The following ZNF609 variants were observed in gnomAD, a reference collection of about 807,000 sequenced individuals.
ZNF609 encodes zinc finger protein 609.
Under a neutral mutation model 109.5 loss-of-function variants are expected in ZNF609, and 11 were observed. That is an observed-to-expected ratio of 0.10 (90% CI 0.06 to 0.17). The LOEUF (loss-of-function observed/expected upper bound fraction) is 0.17, where lower values mean the gene tolerates loss of function less well. ZNF609 is among the 10% of genes least tolerant of loss of function. The pLI is 1.00. For synonymous variants in ZNF609, 646 were observed against 662.0 expected (o/e 0.98, Z 0.37); for missense variants, 1,559 against 1,772.4 (o/e 0.88, Z 2.16).
rs1175008655 is a variant in ZNF609, at chr15:64,675,620, G to A, written c.2766G>A (p.Gln922=). 1.2e-6 allele frequency: 2 copies of A among 1,614,106 alleles called. No homozygotes were observed. The highest frequency in any genetic ancestry group is 1.1e-5 in the South Asian group (1 of 91,078). ...NPSSQAGVES[Q]ALKTKRDEEP... ...GCAGCCAGGCAGGAGTGGAGAGCCAGGCCCTGAAGACAAAAAGGGATGAGG... is the reference window on the plus strand; with the variant it reads ...GCAGCCAGGCAGGAGTGGAGAGCCAAGCCCTGAAGACAAAAAGGGATGAGG... The change falls in exon 5 of 10, where the codon CAG becomes CAA. Residue 922 remains glutamine (Q), a synonymous_variant. Coordinates refer to ENST00000326648, the MANE Select transcript of ZNF609 (RefSeq NM_015042.2).
intron 2 of ZNF609, among the ~76,000 whole-genome samples, chr15:64,586,971 A>G (rs1895209340): frequency 6.6e-6 from 1 of 152,134 alleles, no homozygotes; most frequent in Admixed American, 6.6e-5. Context: ...TCTTTAAGAT[A>G]ATAATTTCTT....
At chr15:64,553,368 A>G (rs1371485686) in intron 2 of ZNF609, among the ~76,000 whole-genome samples, 2 of 151,558 alleles carry the variant, frequency 1.3e-5, no homozygotes, top group Non-Finnish European at 2.9e-5. Flanking sequence ...TTGCCCTCCA[A>G]TCTATGAACA....
At chr15:64,493,665 G>T (rs777801252) in intron 1 of ZNF609, among the ~76,000 whole-genome samples, 4 of 152,158 alleles carry the variant, frequency 2.6e-5, no homozygotes, top group Admixed American at 6.5e-5. Flanking sequence ...GAAGGAAGTG[G>T]AGTACACTTA....
At chr15:64,566,286 T>C (rs1294552461) in intron 2 of ZNF609, among the ~76,000 whole-genome samples, 2 of 152,200 alleles carry the variant, frequency 1.3e-5, no homozygotes, top group African/African-American at 2.4e-5. Context: ...GCCATGATCA[T>C]GTGACTACAC....
chr15:64,477,136 CTTTTTTTT>C (rs911785223), intron 1 of ZNF609, among the ~76,000 whole-genome samples: 1 of 105,784 alleles, frequency 9.5e-6, no homozygotes, highest in Non-Finnish European at 1.9e-5. Flanking sequence ...TCTTCTCTTT[CTTTTTTTT>C]TTTTTTTTTT....
At chr15:64,669,886 T>C (rs141359913) in intron 3 of ZNF609, among the ~76,000 whole-genome samples, 273 of 152,284 alleles carry the variant, frequency 1.8e-3, no homozygotes, top group Non-Finnish European at 3.6e-3. Context: ...CAGGCTGATC[T>C]TGAGCTCCTG....
At chr15:64,564,149 A>G (rs912336312) in intron 2 of ZNF609, among the ~76,000 whole-genome samples, 2 of 151,510 alleles carry the variant, frequency 1.3e-5, no homozygotes, top group African/African-American at 4.9e-5. Flanking sequence ...TATCTAGTAT[A>G]TGCATGTTGT....
chr15:64,612,598 A>G (rs1045943369), intron 2 of ZNF609, among the ~76,000 whole-genome samples: 6 of 150,048 alleles, frequency 4.0e-5, no homozygotes, highest in African/African-American at 1.2e-4. Context: ...GCCTAAGTGA[A>G]ATCTGGAAGC....
chr15:64,642,212 C>G (rs978215554), intron 3 of ZNF609, among the ~76,000 whole-genome samples: 1 of 152,112 alleles, frequency 6.6e-6, no homozygotes, highest in Non-Finnish European at 1.5e-5. Context: ...GAAACAGAGT[C>G]TCGTTCTGTC....
intron 3 of ZNF609, among the ~76,000 whole-genome samples, chr15:64,665,719 C>T (rs1247259427): frequency 6.6e-6 from 1 of 152,034 alleles, no homozygotes; most frequent in African/African-American, 2.4e-5. Context: ...AGACCAGCCT[C>T]AACATGGAGA....
intron 2 of ZNF609, chr15:64,529,437 T>C (rs1378891313): frequency 1.5e-5 from 13 of 868,510 alleles, no homozygotes; most frequent in Non-Finnish European, 2.1e-5. Flanking sequence ...ATCTTGGTCC[T>C]GGAAAATGGG....
chr15:64,577,558 CATATAAATAT>C (rs1567019540), intron 2 of ZNF609, among the ~76,000 whole-genome samples: 325 of 14,332 alleles, frequency 0.023, 4 homozygotes, highest in African/African-American at 0.045. Context: ...TATATATACA[CATATAAATAT>C]ATACATATAT....
chr15:64,680,446 TC>T, intron 7 of ZNF609, 86 bp downstream of exon 7: 1 of 1,528,132 alleles, frequency 6.5e-7, no homozygotes, highest in Non-Finnish European at 8.9e-7. Flanking sequence ...CAAGTTCAGG[TC>T]CTGACCACAG....
At chr15:64,618,894 G>A (rs1429223748) in intron 2 of ZNF609, among the ~76,000 whole-genome samples, 3 of 152,176 alleles carry the variant, frequency 2.0e-5, no homozygotes, top group African/African-American at 7.2e-5. Flanking sequence ...GAGGGGCTGT[G>A]GCAGGCCAGG....
intron 2 of ZNF609, among the ~76,000 whole-genome samples, chr15:64,586,683 C>A (rs565878173): frequency 6.6e-6 from 1 of 152,126 alleles, no homozygotes; most frequent in South Asian, 2.1e-4. Context: ...AATTGTCTTC[C>A]AGGAAACTGG....
chr15:64,587,731 A>G (rs1369501335), intron 2 of ZNF609, among the ~76,000 whole-genome samples: 3 of 152,148 alleles, frequency 2.0e-5, no homozygotes, highest in Admixed American at 6.6e-5. Context: ...TTATTCTGGT[A>G]GGGAAACACT....
At chr15:64,592,359 T>C (rs1326479180) in intron 2 of ZNF609, among the ~76,000 whole-genome samples, 1 of 151,920 alleles carries the variant, frequency 6.6e-6, no homozygotes, top group Non-Finnish European at 1.5e-5. Flanking sequence ...GTTGGATCAC[T>C]TGGGGCCAGG....
intron 2 of ZNF609, chr15:64,529,200 A>G: frequency 1.4e-6 from 1 of 731,592 alleles, no homozygotes; most frequent in Non-Finnish European, 2.5e-6. Flanking sequence ...CTGGGGCGCT[A>G]AGCAGTTGGT....
intron 2 of ZNF609, among the ~76,000 whole-genome samples, chr15:64,526,983 G>GATTTTAAAT (rs1893975970): frequency 6.6e-6 from 1 of 151,976 alleles, no homozygotes; most frequent in Non-Finnish European, 1.5e-5. Context: ...CATTTATACT[G>GATTTTAAAT]TAGTTAGAGA....
Sources: gnomAD v4.1 joint callset for allele counts (sites outside exome capture counted in the v4.1 genomes callset) on GRCh38, gnomAD v4.1.1 for gene constraint, MANE v1.5 for transcripts, NCBI Gene and HGNC (gene_info 2026-07-23, HGNC 2026-07-21) for gene names.